The following SEPTIN12 variants were observed in gnomAD, a reference collection of about 807,000 sequenced individuals.
SEPTIN12 encodes the protein septin-12.
SEPTIN12 carries 42 observed loss-of-function variants against 37.7 expected under a neutral mutation model. That is an observed-to-expected ratio of 1.11 (90% confidence interval 0.87 to 1.44). The LOEUF (loss-of-function observed/expected upper bound fraction) is 1.44, where lower values mean the gene tolerates loss of function less well. Among genes scored for constraint, SEPTIN12 ranks in the 40% most tolerant of loss-of-function variants. SEPTIN12 has a pLI of 0.00. For missense variants in SEPTIN12, 613 were observed against 479.2 expected (o/e 1.28, Z -2.61); for synonymous variants, 254 against 196.7 (o/e 1.29, Z -2.44).
At chr16:4,785,959 T>C in intron 3 of SEPTIN12, 21 bp downstream of exon 3, 1 of 1,609,920 alleles carries the variant, frequency 6.2e-7, no homozygotes, top group Non-Finnish European at 8.5e-7. Flanking sequence ...TGGGGTGAGG[T>C]GTGGGCAGGG....
chr16:4,780,326 G>A (rs1190752773), intron 7 of SEPTIN12, among the ~76,000 whole-genome samples: 1 of 150,938 alleles, frequency 6.6e-6, no homozygotes, highest in African/African-American at 2.4e-5. Flanking sequence ...GGGCTCAAGT[G>A]ATCCTCCCGC....
chr16:4,782,655 G>A (rs1177956485), intron 7 of SEPTIN12, among the ~76,000 whole-genome samples: 1 of 152,018 alleles, frequency 6.6e-6, no homozygotes, highest in Non-Finnish European at 1.5e-5. Flanking sequence ...CCAGGCTGGG[G>A]TGCAGTGGCG....
intron 7 of SEPTIN12, among the ~76,000 whole-genome samples, chr16:4,780,630 G>A (rs762866142): frequency 3.3e-5 from 5 of 152,126 alleles, no homozygotes; most frequent in South Asian, 2.1e-4. Context: ...TGCAAACTCC[G>A]AAGTGACATA....
At chr16:4,783,220 A>G (rs2082391911) in intron 7 of SEPTIN12, 2 of 530,594 alleles carry the variant, frequency 3.8e-6, no homozygotes, top group African/African-American at 1.9e-5. Flanking sequence ...AATGTTCTCT[A>G]TATATTCAGG....
chr16:4,783,838 G>T, intron 5 of SEPTIN12, 72 bp from the exon 6 acceptor site: 1 of 1,598,388 alleles, frequency 6.3e-7, no homozygotes, highest in South Asian at 1.1e-5. Context: ...AGGGCACGGG[G>T]GTGGGGGCAG....
rs1371436947 is a variant in SEPTIN12, at chr16:4,777,678, C to G, written c.*119G>C. 3 of 812,692 alleles carry G rather than the reference C, an allele frequency of 3.7e-6. No individual in the cohort carries two copies. The highest frequency in any genetic ancestry group is 3.5e-5 in the African/African-American group (2 of 57,662). The allele number at this position is 812,692 out of a possible 1,614,324, so 50.3% of individuals were successfully genotyped here. ...TCATTTACAAAATGCCTTTTGTTTTCAAAGCACAGCTTTTCATAAAAAGCA... is the reference window on the plus strand; with the variant it reads ...TCATTTACAAAATGCCTTTTGTTTTGAAAGCACAGCTTTTCATAAAAAGCA... On this transcript the variant is annotated 3_prime_UTR_variant, in exon 10 of 10. Coordinates refer to ENST00000268231, the MANE Select transcript of SEPTIN12 (RefSeq NM_144605.5).
At position 4,787,622 on chromosome 16, in the gene SEPTIN12, G is replaced by T. The variant is rs545471691; in HGVS notation, c.24C>A (p.Pro8=). 19 of 1,598,550 alleles carry T rather than the reference G, an allele frequency of 1.2e-5. No individual in the cohort carries two copies. The highest frequency in any genetic ancestry group is 1.6e-5 in the Non-Finnish European group (19 of 1,177,170). MDPLRRS[P]SPCLSSQPSS... ...AGGGCTGCGAGGACAGGCAGGGAGA[G>T]GGGGAGCGCCTCAGGGGGTCCATGG... is the stretch of plus-strand genomic sequence containing the variant. The change falls in exon 2 of 10, where the codon CCC becomes CCA. Residue 8 remains proline, a synonymous_variant. Coordinates refer to ENST00000268231, the MANE Select transcript of SEPTIN12 (RefSeq NM_144605.5).
upstream of SEPTIN12, among the ~76,000 whole-genome samples, chr16:4,791,332 G>A (rs566996015): frequency 6.6e-6 from 1 of 152,322 alleles, no homozygotes; most frequent in South Asian, 2.1e-4. Flanking sequence ...GACTATGGTG[G>A]AAGAGGACAA....
intron 8 of SEPTIN12, among the ~76,000 whole-genome samples, chr16:4,778,384 A>C (rs1596249113): frequency 1.3e-5 from 2 of 152,162 alleles, no homozygotes. Context: ...TTATATGTAC[A>C]CTCGGCCTCT....
intron 7 of SEPTIN12, among the ~76,000 whole-genome samples, chr16:4,781,257 T>TA (rs757068979): frequency 1.9e-3 from 245 of 127,902 alleles, no homozygotes; most frequent in African/African-American, 5.9e-3. Context: ...AGACTCCATC[T>TA]AAAAAAAAAA....
At chr16:4,783,246 T>C (rs1379121852) in intron 7 of SEPTIN12, 2 of 585,356 alleles carry the variant, frequency 3.4e-6, no homozygotes, top group Non-Finnish European at 6.1e-6. Flanking sequence ...AGCCCCTTAT[T>C]GGGTATGTGA....
In SEPTIN12 at chr16:4,783,892, G is replaced by A. The variant is rs201022338; in HGVS notation, c.512+39C>T. 9.1e-5 allele frequency: 146 copies of A among 1,613,008 alleles called. No individual in the cohort carries two copies. The African/African-American group carries it at 1.3e-3, about 15-fold the overall frequency. On this transcript the variant is annotated intron_variant, in intron 5 of 9. Coordinates refer to ENST00000268231, the MANE Select transcript of SEPTIN12 (RefSeq NM_144605.5). The stretch of plus-strand genomic sequence containing the variant: ...GACCCCTTCTCCTCCTCCCTGCCCC[G>A]TGCAGGTGGTCCTCGCCTTGCAGGT...
chr16:4,787,195 A>G (rs1418305487), intron 2 of SEPTIN12, among the ~76,000 whole-genome samples: 1 of 152,022 alleles, frequency 6.6e-6, no homozygotes, highest in Non-Finnish European at 1.5e-5. Context: ...TACTTTTTGT[A>G]GACATTAGGT....
chr16:4,790,447 T>C (rs998682002), upstream of SEPTIN12, among the ~76,000 whole-genome samples: 8 of 152,142 alleles, frequency 5.3e-5, no homozygotes, highest in African/African-American at 1.9e-4. Flanking sequence ...CAGTTCTTCC[T>C]TCTGGGGAAC....
At chr16:4,786,262 C>A (rs1429780177) in intron 2 of SEPTIN12, among the ~76,000 whole-genome samples, 157 bp from the exon 3 acceptor site, 16 of 152,118 alleles carry the variant, frequency 1.1e-4, no homozygotes, top group Admixed American at 9.8e-4. Context: ...CAGCCTCGAC[C>A]TTCCCAGACT....
At position 4,783,973 on chromosome 16, in the gene SEPTIN12, C is replaced by A. The variant is rs763796405; in HGVS notation, c.470G>T (p.Arg157Leu). ...ITRQRHIPDT[R>L]VHCCVYFVPP... ...TACAAAGTACACGCAGCAGTGCACC[C>A]GGGTGTCTGGGATGTGGCGCTGGCG... The change falls in exon 5 of 10, where the codon CGG becomes CTG. Residue 157 changes from arginine to leucine, a missense_variant. By Grantham distance (102) the Arg-to-Leu change is moderately radical. Coordinates refer to ENST00000268231, the MANE Select transcript of SEPTIN12 (RefSeq NM_144605.5). The A allele has an allele frequency of 6.2e-7, 1 of 1,614,162 alleles. No homozygotes were observed.
chr16:4,779,924 C>T, intron 7 of SEPTIN12, 138 bp from the exon 8 acceptor site: 1 of 678,142 alleles, frequency 1.5e-6, no homozygotes, highest in Non-Finnish European at 2.6e-6. Context: ...ACAGAATTCC[C>T]AAGTTCAAAG....
At chr16:4,783,197 CTG>C (rs1238054014) in intron 7 of SEPTIN12, 2 of 459,560 alleles carry the variant, frequency 4.4e-6, no homozygotes, top group African/African-American at 3.9e-5. Flanking sequence ...GCGTGAGCCA[CTG>C]TGCCCGGCCC....
chr16:4,778,591 A>G (rs961160106), intron 8 of SEPTIN12, among the ~76,000 whole-genome samples: 5 of 151,728 alleles, frequency 3.3e-5, no homozygotes, highest in African/African-American at 4.8e-5. Flanking sequence ...ACCTGAGGTC[A>G]GGAGTTTGAG....
Sources: allele counts gnomAD v4.1 joint callset (sites outside exome capture counted in the v4.1 genomes callset), GRCh38; gene constraint gnomAD v4.1.1; transcripts MANE v1.5; gene names NCBI Gene and HGNC (gene_info 2026-07-23, HGNC 2026-07-21).